The following ATE1 variants were observed in gnomAD, a reference collection of about 807,000 sequenced individuals.
The protein encoded by ATE1 is arginyltransferase 1.
Under a neutral mutation model 70.5 loss-of-function variants are expected in ATE1, and 36 were observed. The ratio of observed to expected loss-of-function variants is 0.51; its 90% confidence interval spans 0.39 to 0.67. The LOEUF (loss-of-function observed/expected upper bound fraction) is 0.67, where lower values mean the gene tolerates loss of function less well. Ranked by LOEUF, ATE1 falls within the 30% of genes least tolerant of loss-of-function variation. The probability of loss-of-function intolerance (pLI) is 0.00; values close to 1 mark genes in which losing one functional copy is unlikely to be tolerated. For synonymous variants in ATE1, 232 were observed against 219.3 expected (o/e 1.06, Z -0.51); for missense variants, 593 against 629.5 (o/e 0.94, Z 0.62).
chr10:121,743,600 AT>A lies in ATE1; in HGVS notation c.*79del. 1 of 1,430,256 alleles carries A rather than the reference AT, an allele frequency of 7.0e-7. No individual in the cohort carries two copies. The highest frequency in any genetic ancestry group is 9.1e-7 in the Non-Finnish European group (1 of 1,094,174). The allele number at this position is 1,430,256 out of a possible 1,614,324, so 88.6% of individuals were successfully genotyped here. A position where few individuals can be genotyped will look rare whatever the true frequency, so the allele number is the denominator to read the frequency against. On this transcript the variant is annotated 3_prime_UTR_variant, in exon 12 of 12. Transcript: ENST00000224652. ...GTCTAATTTGTGGGTGGTGACAGTT[AT>A]TTCCCCACAGGTACTGAATATGTAT...
In ATE1 at chr10:121,837,642, T is replaced by C. The variant is rs577846964; in HGVS notation, c.1158-825A>G. 3.9e-5 allele frequency among the ~76,000 whole-genome samples: 6 copies of C among 152,336 alleles called. No homozygotes were observed. In the South Asian group the frequency reaches 1.2e-3, roughly 32 times the overall value. Reference sequence around the variant, plus strand: ...TGCTTGAAATTCTAAAGAAATGTATTTGTAATGCAATATTCTGTGCATTTT... The same window carrying C: ...TGCTTGAAATTCTAAAGAAATGTATCTGTAATGCAATATTCTGTGCATTTT... On this transcript the variant is annotated intron_variant, in intron 9 of 11. Transcript: ENST00000224652.
chr10:121,880,579 GTA>G (rs200800264), intron 7 of ATE1, among the ~76,000 whole-genome samples: 1 of 149,316 alleles, frequency 6.7e-6, no homozygotes, highest in African/African-American at 2.5e-5. Context: ...ACATATATAT[GTA>G]TATATATATA....
chr10:121,754,436 G>A (rs1166737299), intron 11 of ATE1, among the ~76,000 whole-genome samples: 1 of 152,100 alleles, frequency 6.6e-6, no homozygotes, highest in Non-Finnish European at 1.5e-5. Flanking sequence ...GCTCCTACTG[G>A]CCAAATCTGA....
rs375544698 is a variant in ATE1 at position 121,856,350 on chromosome 10, A to G, written c.975+13656T>C. On this transcript the variant is annotated intron_variant, in intron 8 of 11. Transcript: ENST00000224652. ...TTGGAGACCAGCCTGGCCAAAAAGA[A>G]GAAATCCCGTCTCTACTAAAAATAC... Among the ~76,000 whole-genome samples, 5 of 151,414 alleles carry G rather than the reference A, an allele frequency of 3.3e-5. No homozygotes were observed. The East Asian group carries it at 9.9e-4, about 30-fold the overall frequency.
intron 10 of ATE1, among the ~76,000 whole-genome samples, chr10:121,808,401 A>G (rs913771185): frequency 3.9e-5 from 6 of 152,220 alleles, no homozygotes; most frequent in Non-Finnish European, 8.8e-5. Context: ...CAACAGGAAC[A>G]CTAACAGAAG....
At chr10:121,783,033 C>A (rs1225276874) in intron 11 of ATE1, among the ~76,000 whole-genome samples, 2 of 152,136 alleles carry the variant, frequency 1.3e-5, no homozygotes, top group South Asian at 2.1e-4. Context: ...TTAGTTTTGT[C>A]CCTCTAGGGA....
intron 11 of ATE1, among the ~76,000 whole-genome samples, chr10:121,771,911 C>T (rs1350471808): frequency 6.6e-6 from 1 of 152,200 alleles, no homozygotes; most frequent in African/African-American, 2.4e-5. Flanking sequence ...TTTCTGTAAA[C>T]CATTACTGTG....
intron 10 of ATE1, among the ~76,000 whole-genome samples, chr10:121,795,044 T>A (rs1002086980): frequency 2.6e-5 from 4 of 152,020 alleles, no homozygotes; most frequent in African/African-American, 9.7e-5. Context: ...GGCCAAGAGT[T>A]TGAGACCAGC....
At chr10:121,809,880 C>T (rs1394529480) in intron 10 of ATE1, among the ~76,000 whole-genome samples, 1 of 147,114 alleles carries the variant, frequency 6.8e-6, no homozygotes, top group African/African-American at 2.5e-5. Context: ...TGGAAAGCCA[C>T]AAAAAACAAA....
chr10:121,902,394 T>C lies in ATE1; in HGVS notation c.810A>G (p.Leu270=), dbSNP rs1251113614. ...ESLPENASHK[L]EVRVVRSSPP... is the part of the protein sequence containing the mutation. ...CAACAAAAGTCCTCCAAAGTACCTC[T>C]AACTTGTGTGATGCATTCTCTGGTA... Residue 270 remains leucine (L), a synonymous_variant, in exon 6 of 12, where the codon TTA becomes TTG. Transcript: ENST00000224652. The C allele has an allele frequency of 1.2e-6, 2 of 1,613,226 alleles. No individual in the cohort carries two copies. Among genetic ancestry groups the C allele is most frequent in the African/African-American group, 1.3e-5 (1 of 74,898 alleles).
At chr10:121,912,876 G>A (rs1405343235) in intron 4 of ATE1, among the ~76,000 whole-genome samples, 3 of 137,108 alleles carry the variant, frequency 2.2e-5, no homozygotes, top group South Asian at 2.3e-4. Flanking sequence ...CTGGGACTAC[G>A]GGCGTGCACC....
chr10:121,913,706 G>A, intron 4 of ATE1, 84 bp downstream of exon 4: 1 of 889,344 alleles, frequency 1.1e-6, no homozygotes, highest in Non-Finnish European at 1.8e-6. Flanking sequence ...CTGTATTAAT[G>A]ACCCTTCCCC....
intron 11 of ATE1, among the ~76,000 whole-genome samples, chr10:121,766,549 G>A (rs1023557576): frequency 1.3e-5 from 2 of 151,840 alleles, no homozygotes; most frequent in East Asian, 1.9e-4. Flanking sequence ...ATCTATTCCC[G>A]GCAAAACACT....
At chr10:121,780,989 C>T (rs1480517213) in intron 11 of ATE1, among the ~76,000 whole-genome samples, 1 of 152,172 alleles carries the variant, frequency 6.6e-6, no homozygotes, top group African/African-American at 2.4e-5. Flanking sequence ...TGAGTGAATG[C>T]ATTTATGAAT....
At chr10:121,755,395 C>G (rs1369457895) in intron 11 of ATE1, among the ~76,000 whole-genome samples, 3 of 152,056 alleles carry the variant, frequency 2.0e-5, no homozygotes, top group Non-Finnish European at 2.9e-5. Context: ...CAGAGTAAAA[C>G]AGAAAAAGTG....
At chr10:121,799,201 GC>G (rs1185156901) in intron 10 of ATE1, among the ~76,000 whole-genome samples, 1 of 152,090 alleles carries the variant, frequency 6.6e-6, no homozygotes. Flanking sequence ...GAGGCAGTTG[GC>G]CCCAATAACG....
intron 1 of ATE1, among the ~76,000 whole-genome samples, chr10:121,924,666 C>T (rs1590744746): frequency 6.7e-6 from 1 of 149,404 alleles, no homozygotes; most frequent in African/African-American, 2.5e-5. Flanking sequence ...CGCCACTGCA[C>T]TCCAGCCCTG....
chr10:121,893,751 GA>G (rs961910100), intron 7 of ATE1, among the ~76,000 whole-genome samples: 4 of 151,908 alleles, frequency 2.6e-5, no homozygotes, highest in Admixed American at 6.6e-5. Context: ...AATATATAGT[GA>G]AAAAAATCAT....
chr10:121,879,929 T>C (rs754731049), intron 7 of ATE1, among the ~76,000 whole-genome samples: 12 of 152,182 alleles, frequency 7.9e-5, no homozygotes, highest in Non-Finnish European at 7.3e-5. Context: ...AAACTAGGTA[T>C]CACTGAAATT....
Sources: gnomAD v4.1 joint callset for allele counts (sites outside exome capture counted in the v4.1 genomes callset) on GRCh38, gnomAD v4.1.1 for gene constraint, MANE v1.5 for transcripts, NCBI Gene and HGNC (gene_info 2026-07-23, HGNC 2026-07-21) for gene names.